PCDHA7: variants seen among roughly 807,000 people sequenced by gnomAD.
PCDHA7 encodes protocadherin alpha 7, also known as protocadherin alpha-7.
In PCDHA7, 37 loss-of-function variants were observed where a neutral mutation model predicts 57.2. The observed-to-expected ratio is 0.65, with a 90% CI of 0.50 to 0.85. The LOEUF is 0.85. Ranked by LOEUF, PCDHA7 falls within the 40% of genes least tolerant of loss-of-function variation. The pLI is 0.00. For synonymous variants in PCDHA7, 553 were observed against 558.8 expected (o/e 0.99, Z 0.15); for missense variants, 1,188 against 1,241.8 (o/e 0.96, Z 0.65).
intron 1 of PCDHA7, chr5:140,869,893 C>T (rs375422597): frequency 6.2e-7 from 1 of 1,610,510 alleles, no homozygotes; most frequent in Admixed American, 1.7e-5. Flanking sequence ...TGTGCTCAAA[C>T]TAAACGCCAC....
Position 140,930,862 on chromosome 5 carries a change from GGT to G in PCDHA7, c.2356-48086_2356-48085del, listed in dbSNP as rs1554208154. On this transcript the variant is annotated intron_variant, in intron 1 of 3. Coordinates refer to ENST00000525929, the MANE Select transcript of PCDHA7 (RefSeq NM_018910.3). Reference sequence around the variant, plus strand: ...AAATATGTGCATATATGAATTGGATGGTAACACTGTTCAACACAGAGGGAAAA... The same window carrying G: ...AAATATGTGCATATATGAATTGGATGAACACTGTTCAACACAGAGGGAAAA... 5.3e-3 allele frequency among the ~76,000 whole-genome samples: 803 copies of G among 152,226 alleles called. 3 individuals carry two copies. Among genetic ancestry groups the G allele is most frequent in the Non-Finnish European group, 8.4e-3 (568 of 67,990 alleles).
chr5:140,923,456 G>T (rs1554201450), intron 1 of PCDHA7, among the ~76,000 whole-genome samples: 3 of 152,134 alleles, frequency 2.0e-5, no homozygotes, highest in African/African-American at 7.2e-5. Flanking sequence ...TGAGCCCAGA[G>T]AGGTAGGGGC....
At chr5:140,922,791 T>A (rs1454046146) in intron 1 of PCDHA7, among the ~76,000 whole-genome samples, 1 of 152,078 alleles carries the variant, frequency 6.6e-6, no homozygotes, top group Non-Finnish European at 1.5e-5. Flanking sequence ...AAACTGTAGC[T>A]TTGGAATACA....
chr5:140,853,955 T>C (rs1554146923), intron 1 of PCDHA7: 2 of 752,526 alleles, frequency 2.7e-6, no homozygotes, highest in Non-Finnish European at 3.3e-6. Context: ...GGTCCCTTCC[T>C]TGAGCCCAGC....
At chr5:140,982,625 T>C in intron 3 of PCDHA7, 62 bp downstream of exon 3, 1 of 1,582,614 alleles carries the variant, frequency 6.3e-7, no homozygotes, top group South Asian at 1.2e-5. Context: ...ATGACCTACT[T>C]TTGTAAGATC....
At chr5:140,918,111 C>A (rs1035723043) in intron 1 of PCDHA7, among the ~76,000 whole-genome samples, 1 of 152,016 alleles carries the variant, frequency 6.6e-6, no homozygotes, top group Admixed American at 6.6e-5. Flanking sequence ...CTTTCACATC[C>A]TTGATTAGCC....
At chr5:140,860,216 T>C (rs1554153148) in intron 1 of PCDHA7, 2 of 150,242 alleles carry the variant, frequency 1.3e-5, no homozygotes, top group South Asian at 2.1e-4. Flanking sequence ...TATGTACTTA[T>C]GTATATATAA....
In PCDHA7 at chr5:140,882,915, A is replaced by G. The variant is rs374032403; in HGVS notation, c.2355+46177A>G. The G allele has an allele frequency of 9.7e-5, 156 of 1,614,110 alleles. No individual in the cohort carries two copies. Among genetic ancestry groups the G allele is most frequent in the Non-Finnish European group, 1.2e-4 (140 of 1,180,046 alleles). ...CATAGTTTATTACTGACAGCCAGTG[A>G]TGGAGGTAAACCCGAGCTGACTGGC... is the stretch of plus-strand genomic sequence containing the variant. On this transcript the variant is annotated intron_variant, in intron 1 of 3. Transcript: ENST00000525929.
intron 3 of PCDHA7, among the ~76,000 whole-genome samples, chr5:140,991,900 A>G (rs137964856): frequency 9.8e-4 from 149 of 152,250 alleles, no homozygotes; most frequent in African/African-American, 3.0e-3. Context: ...TTAACACAAA[A>G]TCCCTTTTGC....
chr5:140,929,138 G>C (rs150967804), intron 1 of PCDHA7: 183 of 1,614,054 alleles, frequency 1.1e-4, no homozygotes, highest in Non-Finnish European at 1.5e-4. Context: ...ACAGTTGAGA[G>C]ACTTTCTCAG....
chr5:140,861,492 C>T (rs367687867), intron 1 of PCDHA7: 11 of 487,014 alleles, frequency 2.3e-5, no homozygotes, highest in Middle Eastern at 7.2e-4. Flanking sequence ...TGTGAGTTCT[C>T]TGATAGACCT....
intron 1 of PCDHA7, among the ~76,000 whole-genome samples, chr5:140,934,086 G>C (rs540895208): frequency 1.3e-5 from 2 of 151,872 alleles, no homozygotes; most frequent in Admixed American, 1.3e-4. Context: ...TCGCTTTGTT[G>C]TATGTTTGCT....
intron 1 of PCDHA7, among the ~76,000 whole-genome samples, chr5:140,960,124 T>C (rs966679082): frequency 3.3e-5 from 5 of 152,216 alleles, no homozygotes; most frequent in African/African-American, 1.2e-4. Flanking sequence ...GTATTCCTTA[T>C]GAAATACTTA....
intron 1 of PCDHA7, chr5:140,871,241 C>CGCT (rs1268066555): frequency 1.2e-6 from 2 of 1,613,972 alleles, no homozygotes; most frequent in African/African-American, 2.7e-5. Context: ...CTGGTACTCA[C>CGCT]GCTGCTGCTG....
At chr5:140,972,096 A>G (rs2096519185) in intron 1 of PCDHA7, among the ~76,000 whole-genome samples, 1 of 152,168 alleles carries the variant, frequency 6.6e-6, no homozygotes. Context: ...AATTTCTGGC[A>G]TAGAAGCAGG....
In PCDHA7 at chr5:140,967,246, G is replaced by T. The variant is rs569213693; in HGVS notation, c.2356-11703G>T. On this transcript the variant is annotated intron_variant, in intron 1 of 3. Coordinates refer to ENST00000525929, the MANE Select transcript of PCDHA7 (RefSeq NM_018910.3). ...ACTACCAGCTTCAGGTAAGCGAATCGGTGGCGCCTGGAGCGCGCTTTCACA... is the reference window on the plus strand; with the variant it reads ...ACTACCAGCTTCAGGTAAGCGAATCTGTGGCGCCTGGAGCGCGCTTTCACA... The T allele has an allele frequency of 9.6e-5, 155 of 1,613,594 alleles. 2 individuals carry two copies. In the South Asian group the frequency reaches 1.4e-3, roughly 15 times the overall value.
intron 1 of PCDHA7, chr5:140,882,401 G>A (rs899488409): frequency 4.0e-5 from 65 of 1,614,046 alleles, no homozygotes; most frequent in Non-Finnish European, 5.3e-5. Context: ...CGGCACCTTC[G>A]TGGGCCGCAT....
intron 3 of PCDHA7, among the ~76,000 whole-genome samples, chr5:140,993,767 G>A (rs115607244): frequency 3.3e-5 from 5 of 152,010 alleles, no homozygotes; most frequent in Non-Finnish European, 7.4e-5. Context: ...TTACAATTGC[G>A]CAGTATTTTG....
intron 1 of PCDHA7, chr5:140,853,906 C>G: frequency 1.0e-6 from 1 of 955,174 alleles, no homozygotes; most frequent in Non-Finnish European, 1.3e-6. Flanking sequence ...GGTGGCCTGA[C>G]ACCTGCAATC....
Sources: gnomAD v4.1 joint callset for allele counts (sites outside exome capture counted in the v4.1 genomes callset) on GRCh38, gnomAD v4.1.1 for gene constraint, MANE v1.5 for transcripts, NCBI Gene and HGNC (gene_info 2026-07-23, HGNC 2026-07-21) for gene names.